COMMD10: variants seen among roughly 807,000 people sequenced by gnomAD.
COMMD10 encodes COMM domain containing 10.
Under a neutral mutation model 28.9 loss-of-function variants are expected in COMMD10, and 33 were observed. The observed-to-expected ratio is 1.14, with a 90% CI of 0.87 to 1.53. The LOEUF (loss-of-function observed/expected upper bound fraction) is 1.53, where lower values mean the gene tolerates loss of function less well. COMMD10 is among the 40% of genes most tolerant of loss of function. The probability of loss-of-function intolerance (pLI) is 0.00; values close to 1 mark genes in which losing one functional copy is unlikely to be tolerated. For synonymous variants in COMMD10, 110 were observed against 81.7 expected (o/e 1.35, Z -1.87); for missense variants, 310 against 233.4 (o/e 1.33, Z -2.14).
At chr5:116,104,910 C>T (rs867147587) in intron 4 of COMMD10, among the ~76,000 whole-genome samples, 62 of 152,178 alleles carry the variant, frequency 4.1e-4, no homozygotes, top group African/African-American at 1.4e-3. Context: ...TGAGCCACCG[C>T]ACCCAGCCTC....
At chr5:116,239,610 G>T (rs1432304821) in intron 5 of COMMD10, among the ~76,000 whole-genome samples, 1 of 152,104 alleles carries the variant, frequency 6.6e-6, no homozygotes, top group Non-Finnish European at 1.5e-5. Flanking sequence ...ACGACATTTA[G>T]AAGATTCATA....
intron 5 of COMMD10, among the ~76,000 whole-genome samples, chr5:116,213,457 A>G (rs568084200): frequency 9.7e-4 from 148 of 152,212 alleles, no homozygotes; most frequent in Admixed American, 2.1e-3. Context: ...CTGTGTAAAG[A>G]TTCTTAACCT....
intron 5 of COMMD10, among the ~76,000 whole-genome samples, chr5:116,178,138 G>C (rs1747798485): frequency 6.6e-6 from 1 of 152,102 alleles, no homozygotes; most frequent in Non-Finnish European, 1.5e-5. Context: ...AAGCAAGTTA[G>C]AGATAAGGAA....
intron 5 of COMMD10, among the ~76,000 whole-genome samples, chr5:116,174,154 T>TGTTAA (rs1561648357): frequency 6.6e-6 from 1 of 151,692 alleles, no homozygotes; most frequent in African/African-American, 2.4e-5. Flanking sequence ...CTTTTCTTCC[T>TGTTAA]GATAATACCT....
At chr5:116,239,063 C>T (rs1749749039) in intron 5 of COMMD10, among the ~76,000 whole-genome samples, 1 of 152,080 alleles carries the variant, frequency 6.6e-6, no homozygotes, top group South Asian at 2.1e-4. Flanking sequence ...CGATGAAGTT[C>T]TTAACTGTTG....
intron 4 of COMMD10, among the ~76,000 whole-genome samples, chr5:116,114,945 T>C (rs1580456338): frequency 1.3e-5 from 2 of 152,154 alleles, no homozygotes; most frequent in African/African-American, 2.4e-5. Context: ...AGCTGGGGGC[T>C]GGAGTTTATG....
At chr5:116,129,342 G>T (rs1341451269) in intron 4 of COMMD10, among the ~76,000 whole-genome samples, 1 of 144,250 alleles carries the variant, frequency 6.9e-6, no homozygotes, top group Non-Finnish European at 1.5e-5. Context: ...TGTATATATA[G>T]TATAGTATAT....
chr5:116,099,713 T>G (rs1750591613), intron 4 of COMMD10, among the ~76,000 whole-genome samples: 2 of 152,196 alleles, frequency 1.3e-5, no homozygotes, highest in Non-Finnish European at 2.9e-5. Flanking sequence ...ACCACTCTTT[T>G]ATATACCTGT....
intron 5 of COMMD10, among the ~76,000 whole-genome samples, chr5:116,227,656 T>C (rs534638773): frequency 6.6e-6 from 1 of 152,226 alleles, no homozygotes; most frequent in African/African-American, 2.4e-5. Flanking sequence ...TATCTTCATT[T>C]TCCAAGGCAT....
At chr5:116,190,198 T>C (rs1748313821) in intron 5 of COMMD10, among the ~76,000 whole-genome samples, 1 of 152,058 alleles carries the variant, frequency 6.6e-6, no homozygotes, top group African/African-American at 2.4e-5. Flanking sequence ...ACTGAGAGGA[T>C]GGAGGGAAAG....
At chr5:116,113,333 G>A (rs1751120439) in intron 4 of COMMD10, among the ~76,000 whole-genome samples, 1 of 132,756 alleles carries the variant, frequency 7.5e-6, no homozygotes, top group African/African-American at 3.0e-5. Context: ...GGAGCCTCCT[G>A]TATCTATTAT....
Position 116,236,637 on chromosome 5 carries a change from A to G in COMMD10, c.511-54880A>G, listed in dbSNP as rs550072710. Reference sequence around the variant, plus strand: ...CATGATTCCAACTATATGACATTCTAGAAGAGACAAAACTGTGAAGAGAGT... The same window carrying G: ...CATGATTCCAACTATATGACATTCTGGAAGAGACAAAACTGTGAAGAGAGT... On this transcript the variant is annotated intron_variant, in intron 5 of 6. Transcript: ENST00000274458. Among the ~76,000 whole-genome samples the G allele has an allele frequency of 1.4e-4, 22 of 152,194 alleles. 1 individual carries two copies. In the South Asian group the frequency reaches 3.5e-3, roughly 24 times the overall value.
At chr5:116,225,335 CCTGT>C (rs1749363754) in intron 5 of COMMD10, among the ~76,000 whole-genome samples, 1 of 128,212 alleles carries the variant, frequency 7.8e-6, no homozygotes, top group Admixed American at 8.2e-5. Context: ...TGAAGACTTT[CCTGT>C]TTGTTTTTTT....
At chr5:116,160,772 C>T (rs1013617950) in intron 5 of COMMD10, among the ~76,000 whole-genome samples, 1 of 152,136 alleles carries the variant, frequency 6.6e-6, no homozygotes, top group Non-Finnish European at 1.5e-5. Flanking sequence ...AGGCAACATG[C>T]ATTCTCTGTA....
chr5:116,134,766 C>T (rs1365506430), intron 5 of COMMD10, among the ~76,000 whole-genome samples: 3 of 152,072 alleles, frequency 2.0e-5, no homozygotes, highest in African/African-American at 7.2e-5. Flanking sequence ...GGACTACAGG[C>T]GCCTGCCACC....
chr5:116,202,121 A>C (rs920624363), intron 5 of COMMD10, among the ~76,000 whole-genome samples: 1 of 145,870 alleles, frequency 6.9e-6, no homozygotes, highest in Non-Finnish European at 1.5e-5. Context: ...CCACCTATGA[A>C]TGAGAACATG....
At chr5:116,241,530 A>G (rs567597183) in intron 5 of COMMD10, among the ~76,000 whole-genome samples, 3 of 152,146 alleles carry the variant, frequency 2.0e-5, no homozygotes, top group Admixed American at 2.0e-4. Flanking sequence ...ATAAAATACA[A>G]GCTGTCTAGT....
chr5:116,269,594 T>C (rs957927026), intron 5 of COMMD10, among the ~76,000 whole-genome samples: 3 of 151,944 alleles, frequency 2.0e-5, no homozygotes, highest in East Asian at 3.8e-4. Context: ...TATAAAATTA[T>C]ATGTTTTAAA....
chr5:116,197,033 CAG>C (rs1748541605), intron 5 of COMMD10, among the ~76,000 whole-genome samples: 3 of 152,118 alleles, frequency 2.0e-5, no homozygotes, highest in African/African-American at 7.2e-5. Context: ...TAATTTATAT[CAG>C]AAGTATATAA....
Sources: allele counts gnomAD v4.1 joint callset (sites outside exome capture counted in the v4.1 genomes callset), GRCh38; gene constraint gnomAD v4.1.1; transcripts MANE v1.5; gene names NCBI Gene and HGNC (gene_info 2026-07-23, HGNC 2026-07-21).